Variants in MGLL observed in about 807,000 individuals in gnomAD.
MGLL encodes lysophospholipase homolog.
Under a neutral mutation model 29.1 loss-of-function variants are expected in MGLL, and 7 were observed. That is an observed-to-expected ratio of 0.24 (90% CI 0.14 to 0.45). The LOEUF (loss-of-function observed/expected upper bound fraction) is 0.45, where lower values mean the gene tolerates loss of function less well. MGLL is among the 20% of genes least tolerant of loss of function. The pLI is 0.99. For synonymous variants in MGLL, 148 were observed against 168.3 expected (o/e 0.88, Z 0.93); for missense variants, 356 against 413.6 (o/e 0.86, Z 1.21).
intron 3 of MGLL, among the ~76,000 whole-genome samples, chr3:127,763,762 C>T (rs72626380): frequency 0.13 from 19,118 of 152,152 alleles, 1,245 homozygotes; most frequent in Middle Eastern, 0.17. Flanking sequence ...ACTGCCCTCC[C>T]GTCCTCAAAC....
rs138105086 is a variant in MGLL, at chr3:127,780,116, G to A, written c.262+1673C>T. Among the ~76,000 whole-genome samples, 8 of 152,312 alleles carry A rather than the reference G, an allele frequency of 5.3e-5. No homozygotes were observed. The East Asian group carries it at 1.3e-3, about 26-fold the overall frequency. On this transcript the variant is annotated intron_variant, in intron 3 of 7. Transcript: ENST00000265052. ...GATGTTATTCTGGAAACATCAAAAGGTGGGCTGTTTCTTTTCTCCCTTTAT... is the reference window on the plus strand; with the variant it reads ...GATGTTATTCTGGAAACATCAAAAGATGGGCTGTTTCTTTTCTCCCTTTAT...
At chr3:127,750,207 C>A (rs796489397) in intron 3 of MGLL, among the ~76,000 whole-genome samples, 2 of 152,094 alleles carry the variant, frequency 1.3e-5, no homozygotes, top group Admixed American at 6.5e-5. Flanking sequence ...GTGTCCCGTT[C>A]GTCTCCTGGT....
chr3:127,777,267 AG>A (rs1313542242), intron 3 of MGLL, among the ~76,000 whole-genome samples: 1 of 152,270 alleles, frequency 6.6e-6, no homozygotes, highest in Non-Finnish European at 1.5e-5. Flanking sequence ...TGAAATGCCC[AG>A]AAAATACATA....
At position 127,689,869 on chromosome 3, in the gene MGLL, C is replaced by A. The variant is rs551716930; in HGVS notation, c.*2329G>T. 2 of 152,308 alleles carry A rather than the reference C, an allele frequency of 1.3e-5. No homozygotes were observed. The highest frequency in any genetic ancestry group is 4.8e-5 in the African/African-American group (2 of 41,560). The allele number at this position is 152,308 out of a possible 1,614,324, so 9.4% of individuals were successfully genotyped here. On this transcript the variant is annotated 3_prime_UTR_variant, in exon 8 of 8. Transcript: ENST00000265052. ...GGACATGGTGGGCGGATGTACCAGC[C>A]CTTCTGGATAACATGACAGTCCCAA...
At chr3:127,781,139 G>C (rs1001037562) in intron 3 of MGLL, among the ~76,000 whole-genome samples, 5 of 152,160 alleles carry the variant, frequency 3.3e-5, no homozygotes, top group Non-Finnish European at 7.3e-5. Context: ...ATGTATGTGT[G>C]AATGTGTGTA....
rs946542257 is a variant in MGLL at position 127,707,014 on chromosome 3, C to T, written c.600+3562G>A. Among the ~76,000 whole-genome samples, 9 of 152,332 alleles carry T rather than the reference C, an allele frequency of 5.9e-5. No individual in the cohort carries two copies. In the East Asian group the frequency reaches 1.7e-3, roughly 29 times the overall value. On this transcript the variant is annotated intron_variant, in intron 6 of 7. Coordinates refer to ENST00000265052, the MANE Select transcript of MGLL (RefSeq NM_007283.7). ...TCCTCGACATTGGGCACATCCGAAA[C>T]ACCGGGCAGAGGAGACAAAAAAGGA... is the stretch of plus-strand genomic sequence containing the variant.
intron 3 of MGLL, among the ~76,000 whole-genome samples, chr3:127,746,195 C>T (rs2076438847): frequency 6.6e-6 from 1 of 152,142 alleles, no homozygotes; most frequent in Non-Finnish European, 1.5e-5. Context: ...TGAGCACGTC[C>T]TCCTGACTCT....
At chr3:127,742,671 C>T (rs954673824) in intron 3 of MGLL, among the ~76,000 whole-genome samples, 4 of 151,376 alleles carry the variant, frequency 2.6e-5, no homozygotes, top group African/African-American at 9.8e-5. Flanking sequence ...TGTGTTTCTC[C>T]TCGCTTCTTT....
At chr3:127,788,872 T>A (rs1448258149) in intron 2 of MGLL, among the ~76,000 whole-genome samples, 1 of 152,216 alleles carries the variant, frequency 6.6e-6, no homozygotes, top group Non-Finnish European at 1.5e-5. Context: ...GAACACTGAA[T>A]GAATGAATGA....
chr3:127,714,806 T>C (rs2075784474), intron 5 of MGLL, among the ~76,000 whole-genome samples: 1 of 152,138 alleles, frequency 6.6e-6, no homozygotes, highest in Admixed American at 6.6e-5. Flanking sequence ...GAGAAACCCA[T>C]GAAGGAGACT....
chr3:127,823,050 T>A (rs2077894084), upstream of MGLL: 1 of 152,116 alleles, frequency 6.6e-6, no homozygotes, highest in Non-Finnish European at 1.5e-5. Context: ...ACGGCGGCAC[T>A]GGCGGGCTGG....
At chr3:127,707,431 C>T (rs2075625217) in intron 6 of MGLL, among the ~76,000 whole-genome samples, 1 of 152,256 alleles carries the variant, frequency 6.6e-6, no homozygotes, top group South Asian at 2.1e-4. Flanking sequence ...GGATTCATCA[C>T]ATTCTGATAA....
intron 6 of MGLL, among the ~76,000 whole-genome samples, 176 bp downstream of exon 6, chr3:127,710,400 C>G (rs1276884799): frequency 6.6e-6 from 1 of 152,196 alleles, no homozygotes; most frequent in Non-Finnish European, 1.5e-5. Flanking sequence ...ATAGCCAACC[C>G]ACCCTTTTCA....
chr3:127,790,039 G>C (rs2077274417), intron 2 of MGLL, among the ~76,000 whole-genome samples: 1 of 152,234 alleles, frequency 6.6e-6, no homozygotes, highest in Non-Finnish European at 1.5e-5. Context: ...ACCCTGATTA[G>C]TAGTAAGTGT....
intron 3 of MGLL, among the ~76,000 whole-genome samples, chr3:127,733,609 G>A (rs1039586133): frequency 3.9e-5 from 6 of 152,190 alleles, no homozygotes; most frequent in Non-Finnish European, 8.8e-5. Context: ...CTGAGACCAT[G>A]GTAAGGATGC....
intron 3 of MGLL, among the ~76,000 whole-genome samples, chr3:127,733,715 T>C (rs1284987864): frequency 1.3e-5 from 2 of 152,138 alleles, no homozygotes; most frequent in Non-Finnish European, 2.9e-5. Context: ...TATCACTGTC[T>C]CCACAAGATC....
rs746582498 is a variant in MGLL, at chr3:127,695,029, G to A, written c.762C>T (p.Ser254=). 7 of 1,614,000 alleles carry A rather than the reference G, an allele frequency of 4.3e-6. No homozygotes were observed. In the South Asian group the frequency reaches 5.5e-5, roughly 13 times the overall value. Residue 254 remains serine, a synonymous_variant, in exon 7 of 8, where the codon AGC becomes AGT. Transcript: ENST00000265052. ...LQGSADRLCD[S]KGAYLLMELA... is the part of the protein sequence containing the mutation. ...ACTCCATGAGCAGGTAGGCCCCTTT[G>A]CTGTCACATAGGCGATCGGCAGAGC...
rs544979561 is a variant in MGLL, at chr3:127,763,992, G to A, written c.262+17797C>T. Among the ~76,000 whole-genome samples, 111 of 152,252 alleles carry A rather than the reference G, an allele frequency of 7.3e-4. 2 individuals are homozygous for A. The highest frequency in any genetic ancestry group is 1.6e-3 in the Non-Finnish European group (106 of 68,002). On this transcript the variant is annotated intron_variant, in intron 3 of 7. Coordinates refer to ENST00000265052, the MANE Select transcript of MGLL (RefSeq NM_007283.7). ...CTCCACCTCCACCCTCCTCCCTCCC[G>A]GCTCTCAGGCGCTCCTCCAGCTTCT...
chr3:127,777,927 G>A (rs2077062739), intron 3 of MGLL, among the ~76,000 whole-genome samples: 1 of 152,208 alleles, frequency 6.6e-6, no homozygotes, highest in Non-Finnish European at 1.5e-5. Flanking sequence ...TTCACTGCTG[G>A]CAAGCCATTC....
Sources: allele counts gnomAD v4.1 joint callset (sites outside exome capture counted in the v4.1 genomes callset), GRCh38; gene constraint gnomAD v4.1.1; transcripts MANE v1.5; gene names NCBI Gene and HGNC (gene_info 2026-07-23, HGNC 2026-07-21).